PTPRO: variants seen among roughly 807,000 people sequenced by gnomAD.
PTPRO encodes the protein protein tyrosine phosphatase receptor type O.
A neutral mutation model predicts 145.2 loss-of-function variants in PTPRO; 62 were observed. That is an observed-to-expected ratio of 0.43 (90% CI 0.35 to 0.53). The LOEUF (loss-of-function observed/expected upper bound fraction) is 0.53, where lower values mean the gene tolerates loss of function less well. Ranked by LOEUF, PTPRO falls within the 20% of genes least tolerant of loss-of-function variation. The probability of loss-of-function intolerance (pLI) is 0.01; values close to 1 mark genes in which losing one functional copy is unlikely to be tolerated. For missense variants in PTPRO, 1,345 were observed against 1,482.7 expected (o/e 0.91, Z 1.53); for synonymous variants, 565 against 514.7 (o/e 1.10, Z -1.32).
At chr12:15,482,963 G>C (rs1028618847) in intron 1 of PTPRO, among the ~76,000 whole-genome samples, 3 of 152,088 alleles carry the variant, frequency 2.0e-5, no homozygotes, top group Non-Finnish European at 4.4e-5. Context: ...GTAACGATAC[G>C]TATCTCATGA....
intron 1 of PTPRO, chr12:15,346,702 G>A (rs11056435): frequency 0.16 from 23,756 of 152,164 alleles, 2,387 homozygotes; most frequent in Non-Finnish European, 0.22. Context: ...AATAAGATTA[G>A]TTCTGTCATG....
intron 12 of PTPRO, among the ~76,000 whole-genome samples, chr12:15,535,021 A>G (rs1055107593): frequency 6.6e-6 from 1 of 152,168 alleles, no homozygotes; most frequent in African/African-American, 2.4e-5. Context: ...GATACGGCAG[A>G]AACACGAAGT....
chr12:15,367,819 C>T (rs1393304610), intron 1 of PTPRO, among the ~76,000 whole-genome samples: 4 of 152,168 alleles, frequency 2.6e-5, no homozygotes, highest in Non-Finnish European at 5.9e-5. Flanking sequence ...CAGACTGCTC[C>T]ATGGACCTGA....
intron 7 of PTPRO, 123 bp from the exon 8 acceptor site, chr12:15,515,375 A>G (rs1942554933): frequency 2.3e-6 from 3 of 1,304,272 alleles, no homozygotes; most frequent in East Asian, 4.7e-5. Flanking sequence ...AGCTTCAGTA[A>G]AGCCTTCTGG....
intron 1 of PTPRO, among the ~76,000 whole-genome samples, chr12:15,444,251 A>C (rs910336503): frequency 2.0e-5 from 3 of 152,068 alleles, no homozygotes; most frequent in African/African-American, 7.2e-5. Context: ...CCAAGTCCTG[A>C]CCATTCTCAC....
chr12:15,451,334 A>G (rs1941041195), intron 1 of PTPRO, among the ~76,000 whole-genome samples: 1 of 152,144 alleles, frequency 6.6e-6, no homozygotes, highest in South Asian at 2.1e-4. Flanking sequence ...TGGAGCTCCC[A>G]AATTTATAAA....
At chr12:15,350,883 G>A (rs901699492) in intron 1 of PTPRO, among the ~76,000 whole-genome samples, 7 of 152,212 alleles carry the variant, frequency 4.6e-5, no homozygotes, top group Admixed American at 1.3e-4. Flanking sequence ...GAGCTGCAAG[G>A]CTTGGCATTC....
At chr12:15,367,573 A>G (rs1004385354) in intron 1 of PTPRO, among the ~76,000 whole-genome samples, 1 of 152,214 alleles carries the variant, frequency 6.6e-6, no homozygotes, top group East Asian at 1.9e-4. Context: ...AGATTCACAT[A>G]TACAACTGTA....
At chr12:15,511,080 T>C (rs1942430929) in intron 7 of PTPRO, among the ~76,000 whole-genome samples, 1 of 152,066 alleles carries the variant, frequency 6.6e-6, no homozygotes, top group South Asian at 2.1e-4. Flanking sequence ...TTTCTCCTTA[T>C]TCCTTTAGCT....
chr12:15,465,628 G>A (rs574318667), intron 1 of PTPRO, among the ~76,000 whole-genome samples: 2 of 152,176 alleles, frequency 1.3e-5, no homozygotes, highest in African/African-American at 2.4e-5. Context: ...TATCCTAAAG[G>A]CTTCTCACAG....
At chr12:15,434,220 T>C (rs566934514) in intron 1 of PTPRO, among the ~76,000 whole-genome samples, 1 of 152,238 alleles carries the variant, frequency 6.6e-6, no homozygotes, top group Admixed American at 6.5e-5. Context: ...TAAACTTGCC[T>C]TTTTAGTTGA....
In PTPRO at chr12:15,477,874, G is replaced by C. The variant is rs185595182; in HGVS notation, c.76-6100G>C. ...TGAGGCCTGGAACCTCTGGGTGCAT[G>C]GGTATCTCTTGCACAGCTGTGACCC... is the stretch of plus-strand genomic sequence containing the variant. On this transcript the variant is annotated intron_variant, in intron 1 of 26. Coordinates refer to ENST00000281171, the MANE Select transcript of PTPRO (RefSeq NM_030667.3). Among the ~76,000 whole-genome samples, 240 of 152,282 alleles carry C rather than the reference G, an allele frequency of 1.6e-3. 1 individual carries two copies. The highest frequency in any genetic ancestry group is 6.8e-3 in the Middle Eastern group (2 of 294).
chr12:15,425,376 G>T (rs1035563415), intron 1 of PTPRO, among the ~76,000 whole-genome samples: 3 of 152,102 alleles, frequency 2.0e-5, no homozygotes, highest in African/African-American at 4.8e-5. Flanking sequence ...ACATCTTGAA[G>T]GTCACATAAC....
intron 4 of PTPRO, 25 bp downstream of exon 4, chr12:15,499,619 C>A (rs754686663): frequency 1.2e-6 from 2 of 1,602,490 alleles, no homozygotes; most frequent in East Asian, 2.2e-5. Context: ...GAATCAAATA[C>A]AGTGAAAAAA....
chr12:15,594,834 G>A, intron 25 of PTPRO, 103 bp from the exon 26 acceptor site: 1 of 802,496 alleles, frequency 1.2e-6, no homozygotes, highest in Non-Finnish European at 2.1e-6. Flanking sequence ...AATGAAAATG[G>A]TTTCCTTTAA....
At chr12:15,517,488 C>T (rs1234940023) in intron 9 of PTPRO, among the ~76,000 whole-genome samples, 3 of 152,142 alleles carry the variant, frequency 2.0e-5, no homozygotes, top group Non-Finnish European at 2.9e-5. Context: ...CATGCCTTCC[C>T]AACAGTCCCG....
intron 1 of PTPRO, among the ~76,000 whole-genome samples, chr12:15,459,224 C>T (rs1941247887): frequency 6.6e-6 from 1 of 152,146 alleles, no homozygotes; most frequent in Admixed American, 6.5e-5. Flanking sequence ...GTTTTTCTCC[C>T]ACTTGCTCTG....
Position 15,346,220 on chromosome 12 carries a change from CT to C in PTPRO, c.75+23423del, listed in dbSNP as rs559715529. On this transcript the variant is annotated intron_variant, in intron 1 of 26. Transcript: ENST00000281171. ...AAATCCAACTATCTGCTAAATTTTT[CT>C]TTTCATTTAGCAGTAACTGACTACC... Among the ~76,000 whole-genome samples the C allele has an allele frequency of 2.3e-3, 356 of 152,256 alleles. 1 individual carries two copies. Among genetic ancestry groups the C allele is most frequent in the African/African-American group, 8.0e-3 (333 of 41,550 alleles).
At chr12:15,395,841 T>G (rs1287348291) in intron 1 of PTPRO, among the ~76,000 whole-genome samples, 1 of 143,062 alleles carries the variant, frequency 7.0e-6, no homozygotes, top group Non-Finnish European at 1.6e-5. Context: ...ACACACACAC[T>G]GATGATGGAA....
Sources: allele counts gnomAD v4.1 joint callset (sites outside exome capture counted in the v4.1 genomes callset), GRCh38; gene constraint gnomAD v4.1.1; transcripts MANE v1.5; gene names NCBI Gene and HGNC (gene_info 2026-07-23, HGNC 2026-07-21).